Variants in SOX5 observed in about 807,000 individuals in gnomAD.
The protein encoded by SOX5 is transcription factor SOX-5.
In SOX5, 9 loss-of-function variants were observed where a neutral mutation model predicts 92.0. The observed-to-expected ratio is 0.10, with a 90% confidence interval of 0.06 to 0.17. The LOEUF is 0.17. Among genes scored for constraint, SOX5 ranks in the 10% least tolerant of loss-of-function variants. SOX5 has a pLI of 1.00. For synonymous variants in SOX5, 344 were observed against 336.3 expected (o/e 1.02, Z -0.25); for missense variants, 642 against 944.5 (o/e 0.68, Z 4.20).
intron 1 of SOX5, among the ~76,000 whole-genome samples, chr12:24,466,224 C>A (rs887370459): frequency 6.6e-6 from 1 of 151,858 alleles, no homozygotes; most frequent in African/African-American, 2.4e-5. Context: ...CTTCCTTCTT[C>A]CTTCTTTCTT....
Position 23,604,299 on chromosome 12 carries a change from G to T in SOX5, c.1164+88C>A, listed in dbSNP as rs770722905. 6.3e-4 allele frequency: 900 copies of T among 1,429,004 alleles called. 11 individuals carry two copies. In the South Asian group the frequency reaches 7.8e-3, roughly 12 times the overall value. 88.5% of individuals were successfully genotyped at this position (1,429,004 alleles called of 1,614,324 possible). ...CCTTGTACACCCAGAGTTTAAGCTAGCTGCTGGCATACAATAGACATTTAA... is the reference window on the plus strand; with the variant it reads ...CCTTGTACACCCAGAGTTTAAGCTATCTGCTGGCATACAATAGACATTTAA... On this transcript the variant is annotated intron_variant, in intron 9 of 14. Coordinates refer to ENST00000451604, the MANE Select transcript of SOX5 (RefSeq NM_006940.6).
intron 3 of SOX5, among the ~76,000 whole-genome samples, chr12:24,225,789 CCAGAATA>C (rs1422209745): frequency 2.6e-5 from 4 of 152,182 alleles, no homozygotes; most frequent in East Asian, 1.9e-4. Context: ...TCCCCTCTTC[CCAGAATA>C]TATAAGAAAT....
At chr12:24,521,199 C>A (rs370995449) in intron 1 of SOX5, among the ~76,000 whole-genome samples, 1 of 152,106 alleles carries the variant, frequency 6.6e-6, no homozygotes, top group African/African-American at 2.4e-5. Context: ...GGATTACAGG[C>A]GTTTGCCACC....
chr12:23,920,428 T>G (rs561446683), intron 1 of SOX5: 3 of 152,318 alleles, frequency 2.0e-5, no homozygotes, highest in African/African-American at 7.2e-5. Context: ...CTCTCTAGAT[T>G]AGTAATAGAC....
rs187351987 is a variant in SOX5 at position 24,220,934 on chromosome 12, G to A, written c.-76-7517C>T. Among the ~76,000 whole-genome samples the A allele has an allele frequency of 2.3e-3, 345 of 147,712 alleles. No homozygotes were observed. The Middle Eastern group carries it at 0.044, about 19-fold the overall frequency. On this transcript the variant is annotated intron_variant, in intron 3 of 4. Coordinates refer to the SOX5 transcript ENST00000446891. ...AACATGTATTGACTTATTGTGTTTC[G>A]TGTTAGACACCTTATCTACACTGGT...
intron 1 of SOX5, among the ~76,000 whole-genome samples, chr12:24,512,599 C>G (rs916265761): frequency 1.3e-5 from 2 of 152,130 alleles, no homozygotes; most frequent in African/African-American, 4.8e-5. Flanking sequence ...TGCAATACAA[C>G]GGAAAGAGGT....
At chr12:23,535,876 T>A (rs1338137824) in intron 14 of SOX5, among the ~76,000 whole-genome samples, 1 of 152,226 alleles carries the variant, frequency 6.6e-6, no homozygotes, top group Non-Finnish European at 1.5e-5. Context: ...TCTACAGCAC[T>A]GTCAACAACC....
At chr12:23,743,640 A>C (rs1241974752) in intron 4 of SOX5, among the ~76,000 whole-genome samples, 1 of 152,076 alleles carries the variant, frequency 6.6e-6, no homozygotes, top group African/African-American at 2.4e-5. Flanking sequence ...TTACTTCCAC[A>C]CTCAGAAAAA....
intron 1 of SOX5, among the ~76,000 whole-genome samples, chr12:24,440,966 C>T (rs1164047659): frequency 6.6e-6 from 1 of 152,214 alleles, no homozygotes; most frequent in African/African-American, 2.4e-5. Context: ...ACCTGGGTCA[C>T]ATCCCACAGT....
intron 1 of SOX5, among the ~76,000 whole-genome samples, chr12:24,474,098 A>C (rs983538383): frequency 6.6e-6 from 1 of 152,240 alleles, no homozygotes; most frequent in African/African-American, 2.4e-5. Context: ...TTGTTATCTT[A>C]AGGACTAAAT....
At chr12:23,837,226 T>C (rs924733300) in intron 3 of SOX5, among the ~76,000 whole-genome samples, 19 of 121,928 alleles carry the variant, frequency 1.6e-4, no homozygotes, top group Non-Finnish European at 2.6e-4. Flanking sequence ...ATATGATATA[T>C]AATATATATT....
chr12:23,853,813 G>A (rs2096659410), intron 2 of SOX5, among the ~76,000 whole-genome samples: 1 of 152,056 alleles, frequency 6.6e-6, no homozygotes, highest in South Asian at 2.1e-4. Flanking sequence ...TCTTAGTTAT[G>A]TTTAAACATC....
chr12:24,294,101 G>A (rs1039440088), intron 2 of SOX5, among the ~76,000 whole-genome samples: 9 of 152,168 alleles, frequency 5.9e-5, no homozygotes, highest in Non-Finnish European at 1.0e-4. Flanking sequence ...GATTCAAAAT[G>A]CTAAACAGAA....
intron 3 of SOX5, among the ~76,000 whole-genome samples, chr12:24,238,630 T>G (rs921794755): frequency 1.3e-5 from 2 of 152,202 alleles, no homozygotes; most frequent in Non-Finnish European, 2.9e-5. Context: ...GTGCTGGGAT[T>G]ACAGGAGTGA....
intron 7 of SOX5, among the ~76,000 whole-genome samples, chr12:23,651,729 G>A (rs2081587894): frequency 6.6e-6 from 1 of 151,864 alleles, no homozygotes; most frequent in Admixed American, 6.6e-5. Flanking sequence ...AAAATACGAA[G>A]TAGAAAAGAT....
chr12:23,908,353 T>G (rs754530497), intron 1 of SOX5, among the ~76,000 whole-genome samples: 1 of 151,864 alleles, frequency 6.6e-6, no homozygotes, highest in Non-Finnish European at 1.5e-5. Flanking sequence ...GTCTAAGTAG[T>G]CCAATGAAGA....
intron 9 of SOX5, among the ~76,000 whole-genome samples, chr12:23,598,013 A>G (rs1295886156): frequency 2.0e-5 from 3 of 152,168 alleles, no homozygotes; most frequent in Non-Finnish European, 4.4e-5. Flanking sequence ...TTTGATGCTG[A>G]TATGTAGAGA....
At chr12:24,003,176 C>T (rs191981464) in intron 4 of SOX5, among the ~76,000 whole-genome samples, 60 of 152,174 alleles carry the variant, frequency 3.9e-4, no homozygotes, top group Admixed American at 3.5e-3. Flanking sequence ...TAAAGAACAT[C>T]TGTAAAATGA....
intron 3 of SOX5, among the ~76,000 whole-genome samples, chr12:24,244,588 A>C (rs1020125968): frequency 6.6e-6 from 1 of 152,252 alleles, no homozygotes; most frequent in Non-Finnish European, 1.5e-5. Context: ...GTGGTGAGGC[A>C]CTATTGTGCC....
Sources: allele counts gnomAD v4.1 joint callset (sites outside exome capture counted in the v4.1 genomes callset), GRCh38; gene constraint gnomAD v4.1.1; transcripts MANE v1.5; gene names NCBI Gene and HGNC (gene_info 2026-07-23, HGNC 2026-07-21).